NRG1: variants seen among roughly 807,000 people sequenced by gnomAD.
NRG1 encodes neuregulin 1, also known as pro-neuregulin-1, membrane-bound isoform.
NRG1 carries 18 observed loss-of-function variants against 63.8 expected under a neutral mutation model. The observed-to-expected ratio is 0.28, with a 90% CI of 0.19 to 0.42. NRG1 has a LOEUF of 0.42. Ranked by LOEUF, NRG1 falls within the 10% of genes least tolerant of loss-of-function variation. The probability of loss-of-function intolerance (pLI) is 1.00; values close to 1 mark genes in which losing one functional copy is unlikely to be tolerated. For synonymous variants in NRG1, 302 were observed against 301.3 expected (o/e 1.00, Z -0.02); for missense variants, 762 against 814.7 (o/e 0.94, Z 0.79).
chr8:31,968,429 T>C (rs79599503), intron 1 of NRG1, among the ~76,000 whole-genome samples: 352 of 152,340 alleles, frequency 2.3e-3, no homozygotes, highest in African/African-American at 8.2e-3. Flanking sequence ...AAAGAGCTAA[T>C]ATAAATTACA....
chr8:32,060,795 C>T (rs10111387), intron 1 of NRG1, among the ~76,000 whole-genome samples: 7,266 of 151,916 alleles, frequency 0.048, 502 homozygotes, highest in African/African-American at 0.15. Flanking sequence ...CCACCAATTT[C>T]GTAGTCACCT....
At chr8:31,863,094 A>G (rs1563498697) in intron 1 of NRG1, among the ~76,000 whole-genome samples, 1 of 152,158 alleles carries the variant, frequency 6.6e-6, no homozygotes, top group Admixed American at 6.5e-5. Flanking sequence ...CCATTTCCTG[A>G]CTGATTCTCC....
At chr8:32,064,666 T>G (rs975010781) in intron 1 of NRG1, among the ~76,000 whole-genome samples, 3 of 152,290 alleles carry the variant, frequency 2.0e-5, no homozygotes, top group Admixed American at 2.0e-4. Context: ...AAGACCAGAC[T>G]GGCCGAAGCT....
At chr8:32,366,677 G>GTGTGTGTATATATATA (rs1164696498) in intron 1 of NRG1, among the ~76,000 whole-genome samples, 3 of 87,520 alleles carry the variant, frequency 3.4e-5, no homozygotes, top group African/African-American at 4.6e-5. Context: ...GTGTGTGTGT[G>GTGTGTGTATATATATA]TATATATATA....
At chr8:32,074,355 G>A (rs1826182465) in intron 1 of NRG1, among the ~76,000 whole-genome samples, 1 of 152,120 alleles carries the variant, frequency 6.6e-6, no homozygotes, top group African/African-American at 2.4e-5. Flanking sequence ...AGATACTCAA[G>A]CATGATTAGA....
chr8:31,970,269 C>T (rs1343825217), intron 1 of NRG1, among the ~76,000 whole-genome samples: 1 of 152,132 alleles, frequency 6.6e-6, no homozygotes, highest in Non-Finnish European at 1.5e-5. Context: ...TAAAGAAGGA[C>T]TAAAGGTATC....
At chr8:32,724,436 T>C (rs529326695) in intron 5 of NRG1, among the ~76,000 whole-genome samples, 1 of 152,334 alleles carries the variant, frequency 6.6e-6, no homozygotes, top group African/African-American at 2.4e-5. Flanking sequence ...TTTGCTCTGA[T>C]TGGCATAGGA....
chr8:32,196,031 A>C (rs1266359841), intron 1 of NRG1, among the ~76,000 whole-genome samples: 2 of 152,114 alleles, frequency 1.3e-5, no homozygotes, highest in Non-Finnish European at 2.9e-5. Context: ...ATTAGTTACT[A>C]ATAGTATTAG....
At chr8:31,868,855 C>A (rs539182774) in intron 1 of NRG1, among the ~76,000 whole-genome samples, 92 of 152,322 alleles carry the variant, frequency 6.0e-4, no homozygotes, top group African/African-American at 1.9e-3. Context: ...CAGGAATCAA[C>A]TTGCGTCTAT....
chr8:32,503,553 T>C (rs571656795), intron 1 of NRG1, among the ~76,000 whole-genome samples: 22 of 152,238 alleles, frequency 1.4e-4, no homozygotes, highest in Admixed American at 3.9e-4. Context: ...ATCTATAAGT[T>C]TAATAGCCTT....
At chr8:32,032,625 G>GT (rs1818441239) in intron 1 of NRG1, among the ~76,000 whole-genome samples, 1 of 152,112 alleles carries the variant, frequency 6.6e-6, no homozygotes. Flanking sequence ...TGTATTGTTA[G>GT]TTTTTTTCTT....
chr8:32,093,929 T>A (rs1174973003), intron 1 of NRG1, among the ~76,000 whole-genome samples: 1 of 152,204 alleles, frequency 6.6e-6, no homozygotes, highest in Admixed American at 6.5e-5. Flanking sequence ...CTGGATATGA[T>A]GCAAAAACAT....
chr8:32,376,429 T>A (rs889044168), intron 1 of NRG1, among the ~76,000 whole-genome samples: 2 of 152,160 alleles, frequency 1.3e-5, no homozygotes, highest in African/African-American at 2.4e-5. Context: ...CCCTTCTGCA[T>A]AGGACCCCCA....
At chr8:32,771,726 A>G (rs1391834312), downstream of NRG1, among the ~76,000 whole-genome samples, 3 of 130,186 alleles carry the variant, frequency 2.3e-5, no homozygotes, top group Non-Finnish European at 3.4e-5. Context: ...ATATATATAT[A>G]TATATATATA....
chr8:32,673,282 T>C (rs547238587), intron 5 of NRG1, among the ~76,000 whole-genome samples: 1 of 152,326 alleles, frequency 6.6e-6, no homozygotes, highest in South Asian at 2.1e-4. Context: ...ATAATAGAAA[T>C]GGCACTATCA....
At position 32,286,751 on chromosome 8, in the gene NRG1, C is replaced by T. The variant is rs149265094; in HGVS notation, c.38-309077C>T. On this transcript the variant is annotated intron_variant, in intron 1 of 10. Coordinates refer to the NRG1 transcript ENST00000519301. ...CGGTGGCTCACGCCTGTAATCCTAA[C>T]ACTTAGAGGCCGAGGCAGGTGGATC... 8.0e-3 allele frequency among the ~76,000 whole-genome samples: 1,213 copies of T among 152,286 alleles called. 15 individuals carry two copies. The highest frequency in any genetic ancestry group is 0.027 in the African/African-American group (1,140 of 41,566).
chr8:32,665,250 A>G (rs1240078131), intron 5 of NRG1, among the ~76,000 whole-genome samples: 3 of 152,162 alleles, frequency 2.0e-5, no homozygotes, highest in Admixed American at 6.5e-5. Context: ...TGCATAGTAT[A>G]TCCATGGCAT....
chr8:32,769,498 A>G (rs187167018), downstream of NRG1, among the ~76,000 whole-genome samples: 82 of 152,270 alleles, frequency 5.4e-4, no homozygotes, highest in Admixed American at 1.6e-3. Context: ...ATGAATGATA[A>G]AAGGACTTGA....
intron 1 of NRG1, among the ~76,000 whole-genome samples, chr8:31,698,982 G>T (rs1810357588): frequency 6.6e-6 from 1 of 152,168 alleles, no homozygotes; most frequent in African/African-American, 2.4e-5. Flanking sequence ...GGTCCTAAAT[G>T]TGGAAAAATC....
Sources: allele counts gnomAD v4.1 joint callset (sites outside exome capture counted in the v4.1 genomes callset), GRCh38; gene constraint gnomAD v4.1.1; transcripts MANE v1.5; gene names NCBI Gene and HGNC (gene_info 2026-07-23, HGNC 2026-07-21).